TMEM178B: variants seen among roughly 807,000 people sequenced by gnomAD.
TMEM178B encodes transmembrane protein 178B.
TMEM178B carries 5 observed loss-of-function variants against 31.0 expected under a neutral mutation model. The ratio of observed to expected loss-of-function variants is 0.16; its 90% CI spans 0.08 to 0.34. The LOEUF (loss-of-function observed/expected upper bound fraction) is 0.34. TMEM178B is among the 10% of genes least tolerant of loss of function. The pLI, the probability that TMEM178B is intolerant of heterozygous loss-of-function variation, is 1.00. For synonymous variants in TMEM178B, 164 were observed against 164.0 expected (o/e 1.00, Z 0.00); for missense variants, 275 against 400.3 (o/e 0.69, Z 2.67).
At chr7:141,264,752 T>A (rs1027399928) in intron 2 of TMEM178B, among the ~76,000 whole-genome samples, 3 of 152,190 alleles carry the variant, frequency 2.0e-5, no homozygotes, top group African/African-American at 7.2e-5. Flanking sequence ...AGGTCACAGT[T>A]GGAAATAACT....
chr7:141,407,469 G>C (rs1043777541), intron 2 of TMEM178B, among the ~76,000 whole-genome samples: 7 of 152,188 alleles, frequency 4.6e-5, no homozygotes, highest in Admixed American at 2.0e-4. Flanking sequence ...ATGAATAATA[G>C]TAATACTGCA....
At position 141,077,209 on chromosome 7, in the gene TMEM178B, C is replaced by G. The variant is rs532533922; in HGVS notation, c.382+2517C>G. Among the ~76,000 whole-genome samples, 4 of 152,330 alleles carry G rather than the reference C, an allele frequency of 2.6e-5. No individual in the cohort carries two copies. The South Asian group carries it at 8.3e-4, about 32-fold the overall frequency. On this transcript the variant is annotated intron_variant, in intron 1 of 3. Transcript: ENST00000565468. The stretch of plus-strand genomic sequence containing the variant: ...AGACATTTTAGAAAAAGATGTTTAT[C>G]TCACATTATTCATTAGAAACCGCAA...
At position 141,455,397 on chromosome 7, in the gene TMEM178B, A is replaced by G. The variant is rs551598348; in HGVS notation, c.635-15139A>G. ...AATCTCACCAGCTAGTTGATGAATC[A>G]TATTTAAACACCACTGTGTGTAGGG... On this transcript the variant is annotated intron_variant, in intron 3 of 3. Coordinates refer to ENST00000565468, the MANE Select transcript of TMEM178B (RefSeq NM_001195278.2). Among the ~76,000 whole-genome samples, 7 of 152,328 alleles carry G rather than the reference A, an allele frequency of 4.6e-5. No individual in the cohort carries two copies. The East Asian group carries it at 7.7e-4, about 17-fold the overall frequency.
At chr7:141,121,354 A>G (rs1472703563) in intron 1 of TMEM178B, among the ~76,000 whole-genome samples, 1 of 152,122 alleles carries the variant, frequency 6.6e-6, no homozygotes, top group Admixed American at 6.5e-5. Flanking sequence ...TTGTTTTCCA[A>G]ACACCCACAC....
At chr7:141,406,850 T>C (rs1050220558) in intron 2 of TMEM178B, among the ~76,000 whole-genome samples, 6 of 152,238 alleles carry the variant, frequency 3.9e-5, no homozygotes, top group Admixed American at 3.3e-4. Context: ...TTACAATGCA[T>C]GTATTTCTAG....
Position 141,391,164 on chromosome 7 carries a change from T to A in TMEM178B, c.497-46444T>A, listed in dbSNP as rs1195093161. Among the ~76,000 whole-genome samples the A allele has an allele frequency of 2.7e-5, 4 of 149,668 alleles. No individual in the cohort carries two copies. The East Asian group carries it at 7.8e-4, about 29-fold the overall frequency. ...TGTTTATGGTGACAGTTTTGTTCTT[T>A]CAACCCCCTGCTTTTTTTTTGAGAC... On this transcript the variant is annotated intron_variant, in intron 2 of 3. Transcript: ENST00000565468.
At chr7:141,317,002 G>C (rs1799017275) in intron 2 of TMEM178B, among the ~76,000 whole-genome samples, 1 of 152,152 alleles carries the variant, frequency 6.6e-6, no homozygotes, top group African/African-American at 2.4e-5. Context: ...CTTTGGTGCT[G>C]GATATCCTTG....
chr7:141,349,590 C>T (rs1013706777), intron 2 of TMEM178B, among the ~76,000 whole-genome samples: 1 of 152,066 alleles, frequency 6.6e-6, no homozygotes, highest in African/African-American at 2.4e-5. Context: ...GTGATGGAGA[C>T]AGAGAAGCAA....
rs1802412946 is a variant in TMEM178B at position 141,478,433 on chromosome 7, T to C, written c.*7647T>C. 1 of 152,096 alleles carries C rather than the reference T, an allele frequency of 6.6e-6. No individual in the cohort carries two copies. The highest frequency in any genetic ancestry group is 1.5e-5 in the Non-Finnish European group (1 of 68,024). The allele number at this position is 152,096 out of a possible 1,614,324, so 9.4% of individuals were successfully genotyped here. Reference sequence around the variant, plus strand: ...TTAGAGGCACCTTCAATCCCAACTTTCCTCTCCTCTGCTGGGTCACAGTGA... The same window carrying C: ...TTAGAGGCACCTTCAATCCCAACTTCCCTCTCCTCTGCTGGGTCACAGTGA... On this transcript the variant is annotated 3_prime_UTR_variant, in exon 4 of 4. Transcript: ENST00000565468.
At chr7:141,311,968 G>A (rs536936710) in intron 2 of TMEM178B, among the ~76,000 whole-genome samples, 35 of 152,300 alleles carry the variant, frequency 2.3e-4, no homozygotes, top group African/African-American at 6.5e-4. Context: ...GATTAGCACC[G>A]TTGAAATACA....
intron 1 of TMEM178B, among the ~76,000 whole-genome samples, chr7:141,186,647 G>C (rs1796613752): frequency 6.6e-6 from 1 of 152,158 alleles, no homozygotes; most frequent in Non-Finnish European, 1.5e-5. Flanking sequence ...GATCAGCCTC[G>C]TTCAACATCT....
At chr7:141,145,840 G>A (rs1041047040) in intron 1 of TMEM178B, among the ~76,000 whole-genome samples, 40 of 152,314 alleles carry the variant, frequency 2.6e-4, no homozygotes, top group African/African-American at 9.6e-4. Flanking sequence ...GCCTAAATTA[G>A]GGCTCCTGCC....
intron 2 of TMEM178B, among the ~76,000 whole-genome samples, chr7:141,368,061 G>A (rs375159932): frequency 1.3e-5 from 2 of 152,304 alleles, no homozygotes; most frequent in South Asian, 4.1e-4. Context: ...GCTCACGCCT[G>A]TAATCCCAGC....
At chr7:141,459,761 C>T (rs931056619) in intron 3 of TMEM178B, among the ~76,000 whole-genome samples, 2 of 152,126 alleles carry the variant, frequency 1.3e-5, no homozygotes, top group Admixed American at 6.5e-5. Flanking sequence ...CTGCCAATGT[C>T]CCCTTCCATT....
rs1356231896 is a variant in TMEM178B at position 141,117,289 on chromosome 7, G to A, written c.382+42597G>A. On this transcript the variant is annotated intron_variant, in intron 1 of 3. Coordinates refer to ENST00000565468, the MANE Select transcript of TMEM178B (RefSeq NM_001195278.2). ...AGTGATGATGAGCTTTTTTTCATAT[G>A]TTTGTTGACCACATAAATGTCTTCT... 2.0e-5 allele frequency among the ~76,000 whole-genome samples: 3 copies of A among 152,062 alleles called. No individual in the cohort carries two copies. In the East Asian group the frequency reaches 5.8e-4, roughly 29 times the overall value.
intron 2 of TMEM178B, among the ~76,000 whole-genome samples, chr7:141,218,046 G>A (rs780129679): frequency 6.6e-5 from 10 of 151,422 alleles, no homozygotes; most frequent in Non-Finnish European, 1.0e-4. Flanking sequence ...AGTGAGAGAC[G>A]ATTTCCCCTC....
At chr7:141,276,684 G>A (rs997692117) in intron 2 of TMEM178B, among the ~76,000 whole-genome samples, 9 of 152,016 alleles carry the variant, frequency 5.9e-5, no homozygotes, top group African/African-American at 1.9e-4. Context: ...ATGAGATTTG[G>A]GTGGGGACAC....
intron 2 of TMEM178B, among the ~76,000 whole-genome samples, chr7:141,389,896 G>A (rs916909450): frequency 1.5e-4 from 23 of 152,204 alleles, no homozygotes; most frequent in African/African-American, 5.1e-4. Flanking sequence ...TGCCTGGGAT[G>A]TCTAGAAAAG....
chr7:141,368,519 T>C (rs1300040022), intron 2 of TMEM178B, among the ~76,000 whole-genome samples: 1 of 152,244 alleles, frequency 6.6e-6, no homozygotes, highest in African/African-American at 2.4e-5. Flanking sequence ...TGTAACATTA[T>C]ATCACAAAAA....
Sources: gnomAD v4.1 joint callset for allele counts (sites outside exome capture counted in the v4.1 genomes callset) on GRCh38, gnomAD v4.1.1 for gene constraint, MANE v1.5 for transcripts, NCBI Gene and HGNC (gene_info 2026-07-23, HGNC 2026-07-21) for gene names.